Variants in EPHB2 observed in about 807,000 individuals in gnomAD.
EPHB2 encodes the protein EPH receptor B2, also known as ephrin type-B receptor 2.
A neutral mutation model predicts 96.4 loss-of-function variants in EPHB2; 18 were observed. The ratio of observed to expected loss-of-function variants is 0.19; its 90% confidence interval spans 0.13 to 0.28. The LOEUF (loss-of-function observed/expected upper bound fraction) is 0.28. Among genes scored for constraint, EPHB2 ranks in the 10% least tolerant of loss-of-function variants. The pLI is 1.00. For synonymous variants in EPHB2, 506 were observed against 534.1 expected (o/e 0.95, Z 0.72); for missense variants, 989 against 1,355.4 (o/e 0.73, Z 4.25).
chr1:22,736,296 G>A (rs1287722001), intron 1 of EPHB2, among the ~76,000 whole-genome samples: 3 of 152,154 alleles, frequency 2.0e-5, no homozygotes, highest in East Asian at 1.9e-4. Context: ...ATGGGGGAAC[G>A]TTTGGGGACA....
chr1:22,775,554 C>T (rs1284251075), intron 1 of EPHB2, among the ~76,000 whole-genome samples: 1 of 152,282 alleles, frequency 6.6e-6, no homozygotes, highest in Non-Finnish European at 1.5e-5. Flanking sequence ...AGGCCCCCTG[C>T]AGCCACCTCC....
In EPHB2 at chr1:22,906,038, A is replaced by G. The variant is rs558302888; in HGVS notation, c.1817A>G (p.Asn606Ser). ...GATCCTTTCACCTACGAGGACCCCA[A>G]CGAGGCAGTGCGGGAGTTTGCCAAG... is the stretch of plus-strand genomic sequence containing the variant. Reference protein sequence around the residue: ...YIDPFTYEDPNEAVREFAKEI... With the variant: ...YIDPFTYEDPSEAVREFAKEI... Residue 606 changes from asparagine (N) to serine (S), a missense_variant, in exon 10 of 16, where the codon AAC (asparagine) becomes AGC (serine). Asn to Ser is a conservative substitution (Grantham distance 46). Coordinates refer to ENST00000374630, the MANE Select transcript of EPHB2 (RefSeq NM_017449.5). This position sits in a 1 kb window ranked among gnomAD's most constrained non-coding sequence, Gnocchi z 4.8. The G allele has an allele frequency of 9.9e-6, 16 of 1,614,236 alleles. No individual in the cohort carries two copies. The highest frequency in any genetic ancestry group is 1.6e-4 in the Middle Eastern group (1 of 6,062).
At position 22,914,988 on chromosome 1, in the gene EPHB2, T is replaced by G. The variant is rs1273405903; in HGVS notation, c.*1418T>G. On this transcript the variant is annotated 3_prime_UTR_variant, in exon 16 of 16. Coordinates refer to ENST00000374630, the MANE Select transcript of EPHB2 (RefSeq NM_017449.5). ...AATAGGCCCCTTTGAGGCTCCTGAG[T>G]GCCCTCAGATGGTCAAAACCCAGTT... The G allele has an allele frequency of 6.6e-6, 1 of 152,568 alleles. No individual in the cohort carries two copies. Among genetic ancestry groups the G allele is most frequent in the Non-Finnish European group, 1.5e-5 (1 of 68,034 alleles). 9.5% of individuals were successfully genotyped at this position (152,568 alleles called of 1,614,324 possible).
In EPHB2 at chr1:22,906,707, CAG is replaced by C; in HGVS notation, c.1889-2_1889-1del. 6.2e-7 allele frequency: 1 copy of C among 1,614,110 alleles called. No homozygotes were observed. The highest frequency in any genetic ancestry group is 2.2e-5 in the East Asian group (1 of 44,884). On this transcript the variant is annotated splice_acceptor_variant, in intron 10 of 15. Transcript: ENST00000374630. LOFTEE classifies it high-confidence loss of function. This position sits in a 1 kb window ranked among gnomAD's most constrained non-coding sequence, Gnocchi z 4.8. ...CCTGTCTGTCTTGGTGTTTCTCTCT[CAG>C]GGGAGTTTGGCGAGGTCTGCAGTGG...
At chr1:22,747,136 C>G (rs1205945903) in intron 1 of EPHB2, among the ~76,000 whole-genome samples, 1 of 152,140 alleles carries the variant, frequency 6.6e-6, no homozygotes, top group Non-Finnish European at 1.5e-5. Context: ...TACCAGAAAC[C>G]CAGGCAAACA....
chr1:22,807,112 T>C (rs1249453637), intron 3 of EPHB2, among the ~76,000 whole-genome samples: 3 of 152,212 alleles, frequency 2.0e-5, no homozygotes, highest in Non-Finnish European at 4.4e-5. Flanking sequence ...GGGGCACCTC[T>C]GAGGGACCTG....
At chr1:22,900,451 T>C (rs1401038793) in intron 9 of EPHB2, among the ~76,000 whole-genome samples, 1 of 152,232 alleles carries the variant, frequency 6.6e-6, no homozygotes, top group South Asian at 2.1e-4. Context: ...TTGATCCTTA[T>C]AATTTCTCAC....
intron 1 of EPHB2, among the ~76,000 whole-genome samples, chr1:22,732,339 G>A (rs1020121592): frequency 6.6e-6 from 1 of 151,800 alleles, no homozygotes. Flanking sequence ...GAGAAGGTGG[G>A]GGTGGAAACC....
chr1:22,883,927 T>C (rs542115537), intron 6 of EPHB2, among the ~76,000 whole-genome samples: 10 of 152,280 alleles, frequency 6.6e-5, no homozygotes, highest in Admixed American at 5.9e-4. Context: ...CTTTCCCTTG[T>C]GCCCTGGCCC....
intron 9 of EPHB2, among the ~76,000 whole-genome samples, chr1:22,898,056 T>G (rs1472684801): frequency 6.8e-6 from 1 of 147,764 alleles, no homozygotes; most frequent in Non-Finnish European, 1.5e-5. Context: ...TGAGCCGAGG[T>G]TGCAGTGAGC....
At chr1:22,912,419 C>A in intron 14 of EPHB2, 25 bp from the exon 15 acceptor site, 1 of 1,613,600 alleles carries the variant, frequency 6.2e-7, no homozygotes, top group Non-Finnish European at 8.5e-7. Flanking sequence ...CCCTGACCAT[C>A]TCTGTCGCCC....
chr1:22,745,883 T>G (rs1406967394), intron 1 of EPHB2, among the ~76,000 whole-genome samples: 1 of 152,234 alleles, frequency 6.6e-6, no homozygotes, highest in African/African-American at 2.4e-5. Flanking sequence ...CTCTGGATTC[T>G]GTGACAATCT....
At chr1:22,759,284 G>A (rs1247823748) in intron 1 of EPHB2, among the ~76,000 whole-genome samples, 4 of 152,114 alleles carry the variant, frequency 2.6e-5, no homozygotes, top group African/African-American at 9.7e-5. Context: ...GTAAAATGGG[G>A]ACACTGAGGC....
intron 3 of EPHB2, among the ~76,000 whole-genome samples, chr1:22,785,890 T>A (rs1336873282): frequency 6.6e-6 from 1 of 152,240 alleles, no homozygotes; most frequent in Non-Finnish European, 1.5e-5. Flanking sequence ...TACTGTTGTA[T>A]ATGAAGAAGC....
intron 1 of EPHB2, among the ~76,000 whole-genome samples, chr1:22,726,106 A>G (rs1158320333): frequency 6.6e-6 from 1 of 152,190 alleles, no homozygotes; most frequent in African/African-American, 2.4e-5. Flanking sequence ...CTAGGATGCT[A>G]GGGGACATAG....
At position 22,913,897 on chromosome 1, in the gene EPHB2, G is replaced by T; in HGVS notation, c.*327G>T. The T allele has an allele frequency of 6.4e-7, 1 of 1,557,172 alleles. No individual in the cohort carries two copies. The highest frequency in any genetic ancestry group is 8.7e-7 in the Non-Finnish European group (1 of 1,154,512). ...AAAGGGCTTGGGAGATTCATGCGAT[G>T]TGTCCAATCGGAGACAAAAGCAGTT... On this transcript the variant is annotated 3_prime_UTR_variant, in exon 16 of 16. Coordinates refer to ENST00000374630, the MANE Select transcript of EPHB2 (RefSeq NM_017449.5). The surrounding 1 kb of genome is among the most constrained non-coding windows in gnomAD (Gnocchi z 4.1).
At chr1:22,853,132 C>T (rs1266535336) in intron 3 of EPHB2, among the ~76,000 whole-genome samples, 3 of 152,226 alleles carry the variant, frequency 2.0e-5, no homozygotes, top group Admixed American at 2.0e-4. Flanking sequence ...GGGCAGATCA[C>T]GAGGTCAGGA....
At chr1:22,814,143 C>G (rs1371811740) in intron 3 of EPHB2, among the ~76,000 whole-genome samples, 1 of 152,048 alleles carries the variant, frequency 6.6e-6, no homozygotes, top group Non-Finnish European at 1.5e-5. Context: ...GCACTCCAGC[C>G]TGGGCAACGA....
intron 4 of EPHB2, among the ~76,000 whole-genome samples, chr1:22,864,639 A>T (rs1638402994): frequency 6.6e-6 from 1 of 152,220 alleles, no homozygotes; most frequent in Non-Finnish European, 1.5e-5. Context: ...AAACGCAAAA[A>T]TACTATCCTC....
Sources: allele counts gnomAD v4.1 joint callset (sites outside exome capture counted in the v4.1 genomes callset), GRCh38; gene constraint gnomAD v4.1.1; non-coding constraint Gnocchi (gnomAD v3.1); transcripts MANE v1.5; gene names NCBI Gene and HGNC (gene_info 2026-07-23, HGNC 2026-07-21).